The following ZFAT variants were observed in gnomAD, a reference collection of about 807,000 sequenced individuals.
The protein encoded by ZFAT is zinc finger and AT-hook domain containing, also known as zinc finger protein ZFAT.
Under a neutral mutation model 117.7 loss-of-function variants are expected in ZFAT, and 64 were observed. The observed-to-expected ratio is 0.54, with a 90% CI of 0.44 to 0.67. The LOEUF (loss-of-function observed/expected upper bound fraction) is 0.67. Among genes scored for constraint, ZFAT ranks in the 30% least tolerant of loss-of-function variants. The pLI is 0.00. For synonymous variants in ZFAT, 679 were observed against 615.0 expected (o/e 1.10, Z -1.54); for missense variants, 1,433 against 1,584.5 (o/e 0.90, Z 1.62).
chr8:134,541,177 A>C (rs1822225175), intron 11 of ZFAT, among the ~76,000 whole-genome samples: 1 of 152,216 alleles, frequency 6.6e-6, no homozygotes, highest in Non-Finnish European at 1.5e-5. Flanking sequence ...ACTGAAATGT[A>C]GTATTACTGA....
the ZFAT span, among the ~76,000 whole-genome samples, chr8:134,804,638 C>T: frequency 6.6e-6 from 1 of 152,154 alleles, no homozygotes; most frequent in Admixed American, 6.5e-5. Context: ...TAGGCGGTGA[C>T]ACTTTTTATT....
chr8:134,739,492 T>C, the ZFAT span, among the ~76,000 whole-genome samples: 2 of 152,178 alleles, frequency 1.3e-5, no homozygotes, highest in Non-Finnish European at 2.9e-5. Flanking sequence ...CTCTCTGTCT[T>C]ATTTTGTTAA....
the ZFAT span, among the ~76,000 whole-genome samples, chr8:134,729,585 G>A: frequency 6.6e-6 from 1 of 152,148 alleles, no homozygotes; most frequent in African/African-American, 2.4e-5. Context: ...CACCCACCTC[G>A]GCCTCACCTC....
intron 11 of ZFAT, among the ~76,000 whole-genome samples, chr8:134,541,874 G>A (rs1303486558): frequency 6.6e-6 from 1 of 152,218 alleles, no homozygotes; most frequent in African/African-American, 2.4e-5. Context: ...TACATGCCAA[G>A]CAATATGTCA....
chr8:134,509,658 C>A lies in ZFAT; in HGVS notation c.3453G>T (p.Val1151=). Residue 1151 remains valine (V), a synonymous_variant, in exon 15 of 16, where the codon GTG becomes GTT. Coordinates refer to ENST00000377838, the MANE Select transcript of ZFAT (RefSeq NM_020863.4). ...TCACCGTCCCTGGTGCCATGGCAAC[C>A]ACCGAGGCAAGGGCAGTGGCGTCAT... ...ETHDATALAS[V]VAMAPGTVTV... is the part of the protein sequence containing the mutation. The A allele has an allele frequency of 6.2e-7, 1 of 1,613,514 alleles. No homozygotes were observed.
intron 11 of ZFAT, among the ~76,000 whole-genome samples, chr8:134,537,599 G>A (rs1164363700): frequency 6.6e-6 from 1 of 152,166 alleles, no homozygotes; most frequent in Non-Finnish European, 1.5e-5. Context: ...GAAAATGGGA[G>A]CCCCTGGTAG....
chr8:134,655,754 A>G (rs1423330936), intron 2 of ZFAT, among the ~76,000 whole-genome samples: 1 of 152,254 alleles, frequency 6.6e-6, no homozygotes, highest in Admixed American at 6.5e-5. Flanking sequence ...TGCAAGAGCC[A>G]GTCTAGAAGT....
chr8:134,490,277 T>G (rs909412870), intron 15 of ZFAT, among the ~76,000 whole-genome samples: 1 of 152,150 alleles, frequency 6.6e-6, no homozygotes, highest in Non-Finnish European at 1.5e-5. Context: ...ATGGTGAGCG[T>G]GGTCACTGTA....
intron 15 of ZFAT, among the ~76,000 whole-genome samples, chr8:134,487,414 C>T (rs1817732982): frequency 6.6e-6 from 1 of 152,140 alleles, no homozygotes; most frequent in Non-Finnish European, 1.5e-5. Flanking sequence ...TGAGGGGATT[C>T]CCATCGCATC....
chr8:134,806,980 A>G, the ZFAT span, among the ~76,000 whole-genome samples: 1 of 152,242 alleles, frequency 6.6e-6, no homozygotes, highest in Non-Finnish European at 1.5e-5. Context: ...TGTCAAAAAC[A>G]TTACATATTT....
chr8:134,603,738 G>A (rs545548029), intron 5 of ZFAT, among the ~76,000 whole-genome samples: 4 of 152,322 alleles, frequency 2.6e-5, no homozygotes, highest in African/African-American at 9.6e-5. Context: ...CGGGCACTTA[G>A]CCAACTGGGC....
At chr8:134,677,372 C>G (rs1832854976) in intron 1 of ZFAT, among the ~76,000 whole-genome samples, 1 of 152,164 alleles carries the variant, frequency 6.6e-6, no homozygotes, top group Non-Finnish European at 1.5e-5. Flanking sequence ...TGGACACATA[C>G]ATCTCCCAAG....
chr8:134,700,990 C>A (rs1833994395), intron 1 of ZFAT, among the ~76,000 whole-genome samples: 1 of 152,164 alleles, frequency 6.6e-6, no homozygotes, highest in East Asian at 1.9e-4. Flanking sequence ...CCCTCACCCC[C>A]CACCCCCATG....
At chr8:134,698,096 G>A (rs1188717887) in intron 1 of ZFAT, among the ~76,000 whole-genome samples, 1 of 151,716 alleles carries the variant, frequency 6.6e-6, no homozygotes, top group East Asian at 2.0e-4. Flanking sequence ...GCCGAGGTGG[G>A]TGGATTACCT....
At chr8:134,725,587 G>A in the ZFAT span, among the ~76,000 whole-genome samples, 278 of 152,062 alleles carry the variant, frequency 1.8e-3, 1 homozygote, top group African/African-American at 6.2e-3. Flanking sequence ...AGGATCCACC[G>A]CCACGATCTA....
rs777620552 is a variant in ZFAT, at chr8:134,602,675, C to T, written c.1044G>A (p.Val348=). The T allele has an allele frequency of 6.2e-7, 1 of 1,614,206 alleles. No individual in the cohort carries two copies. The highest frequency in any genetic ancestry group is 8.5e-7 in the Non-Finnish European group (1 of 1,180,038). Residue 348 remains valine (V), a synonymous_variant, in exon 6 of 16, where the codon GTG becomes GTA. Coordinates refer to ENST00000377838, the MANE Select transcript of ZFAT (RefSeq NM_020863.4). ...KGHLKVHIER[V]HKKIKQHCRF... ...GGCAGTGCTGCTTGATCTTCTTGTGCACTCGCTCGATGTGCACCTTGAGGT... is the reference window on the plus strand; with the variant it reads ...GGCAGTGCTGCTTGATCTTCTTGTGTACTCGCTCGATGTGCACCTTGAGGT...
At chr8:134,626,703 G>A (rs1360402513) in intron 3 of ZFAT, among the ~76,000 whole-genome samples, 1 of 152,272 alleles carries the variant, frequency 6.6e-6, no homozygotes, top group Non-Finnish European at 1.5e-5. Flanking sequence ...TAACACTGCA[G>A]TTTGCTCATC....
chr8:134,531,451 G>A (rs1821396948), intron 12 of ZFAT, among the ~76,000 whole-genome samples: 1 of 152,150 alleles, frequency 6.6e-6, no homozygotes, highest in Admixed American at 6.5e-5. Context: ...ATTCCTAGAT[G>A]TTCCGAAAAA....
At chr8:134,669,665 C>A (rs1467035858) in intron 1 of ZFAT, among the ~76,000 whole-genome samples, 1 of 152,168 alleles carries the variant, frequency 6.6e-6, no homozygotes, top group African/African-American at 2.4e-5. Flanking sequence ...ATTGTAAAGA[C>A]CATCGCTGCT....
Sources: gnomAD v4.1 joint callset for allele counts (sites outside exome capture counted in the v4.1 genomes callset) on GRCh38, gnomAD v4.1.1 for gene constraint, MANE v1.5 for transcripts, NCBI Gene and HGNC (gene_info 2026-07-23, HGNC 2026-07-21) for gene names.